Variants in NDRG3 observed in about 807,000 individuals in gnomAD.
NDRG3 encodes the protein protein NDRG3.
A neutral mutation model predicts 57.2 loss-of-function variants in NDRG3; 23 were observed. The observed-to-expected ratio is 0.40, with a 90% CI of 0.29 to 0.57. NDRG3 has a LOEUF of 0.57. NDRG3 is among the 20% of genes least tolerant of loss of function. NDRG3 has a pLI of 0.42. For synonymous variants in NDRG3, 132 were observed against 162.6 expected, an observed-to-expected ratio of 0.81 and a Z score of 1.43; for missense variants, 384 against 457.3, an observed-to-expected ratio of 0.84 and a Z score of 1.46.
At chr20:36,671,871 T>C (rs1021364457) in intron 8 of NDRG3, among the ~76,000 whole-genome samples, 3 of 149,282 alleles carry the variant, frequency 2.0e-5, no homozygotes, top group Non-Finnish European at 1.5e-5. Flanking sequence ...CAAAGAAACA[T>C]AGAGATGAGA....
intron 2 of NDRG3, among the ~76,000 whole-genome samples, chr20:36,707,211 G>A (rs1034080620): frequency 6.6e-6 from 1 of 152,218 alleles, no homozygotes; most frequent in African/African-American, 2.4e-5. Flanking sequence ...GTGAGATTAT[G>A]CTTTAGTGGG....
chr20:36,716,008 G>A (rs1390692465), intron 2 of NDRG3, among the ~76,000 whole-genome samples: 1 of 152,136 alleles, frequency 6.6e-6, no homozygotes, highest in Non-Finnish European at 1.5e-5. Context: ...GGCTGAGGCA[G>A]GAGAATCACT....
intron 8 of NDRG3, 151 bp downstream of exon 8, chr20:36,680,665 T>C: frequency 1.7e-6 from 1 of 586,612 alleles, no homozygotes; most frequent in Admixed American, 3.0e-5. Context: ...ATTCTATATC[T>C]TGATTGGATG....
chr20:36,674,172 T>C lies in NDRG3; in HGVS notation c.532-2775A>G, dbSNP rs146386191. ...TAAGCACTACATAGGTGTTACCTTT[T>C]TTAAAAATTTATTATCCATCTCTTT... On this transcript the variant is annotated intron_variant, in intron 8 of 15. Coordinates refer to ENST00000349004, the MANE Select transcript of NDRG3 (RefSeq NM_032013.4). 4.4e-3 allele frequency among the ~76,000 whole-genome samples: 665 copies of C among 152,330 alleles called. 7 individuals are homozygous for C. Among genetic ancestry groups the C allele is most frequent in the African/African-American group, 0.015 (631 of 41,576 alleles).
intron 13 of NDRG3, among the ~76,000 whole-genome samples, chr20:36,659,718 A>C (rs1395402024): frequency 6.6e-6 from 1 of 151,982 alleles, no homozygotes; most frequent in East Asian, 2.0e-4. Flanking sequence ...CTCCTGCCTC[A>C]GCCTCCCAGG....
At chr20:36,694,235 T>G (rs1423682157) in intron 3 of NDRG3, among the ~76,000 whole-genome samples, 2 of 152,096 alleles carry the variant, frequency 1.3e-5, no homozygotes, top group Non-Finnish European at 1.5e-5. Flanking sequence ...CAGGCACACT[T>G]GATGTAACTT....
chr20:36,720,106 CAA>C (rs879825496), intron 2 of NDRG3, among the ~76,000 whole-genome samples: 201 of 112,960 alleles, frequency 1.8e-3, no homozygotes, highest in Non-Finnish European at 2.6e-3. Flanking sequence ...GACTCCGTCT[CAA>C]AAAAAAAAAA....
At position 36,725,228 on chromosome 20, in the gene NDRG3, T is replaced by C. The variant is rs555767151; in HGVS notation, c.-48-3445A>G. ...AGGAGAATTGCTTGATCCTTGGAGG[T>C]GGAGGTTGCAGTAAGCTGAGATTGC... On this transcript the variant is annotated intron_variant, in intron 1 of 15. Coordinates refer to ENST00000349004, the MANE Select transcript of NDRG3 (RefSeq NM_032013.4). Among the ~76,000 whole-genome samples, 60 of 145,694 alleles carry C rather than the reference T, an allele frequency of 4.1e-4. No individual in the cohort carries two copies. The South Asian group carries it at 0.013, about 31-fold the overall frequency.
At chr20:36,700,390 A>C in intron 3 of NDRG3, 1 of 501,620 alleles carries the variant, frequency 2.0e-6, no homozygotes, top group South Asian at 1.5e-5. Context: ...TGTGAATGTA[A>C]ATATGCTTAG....
intron 2 of NDRG3, among the ~76,000 whole-genome samples, chr20:36,708,162 G>A (rs961525751): frequency 3.9e-5 from 6 of 151,942 alleles, no homozygotes; most frequent in Non-Finnish European, 7.4e-5. Flanking sequence ...TTCACAAAGT[G>A]TAACCCCCTT....
chr20:36,707,893 G>A (rs549306484), intron 2 of NDRG3, among the ~76,000 whole-genome samples: 2 of 152,214 alleles, frequency 1.3e-5, no homozygotes, highest in African/African-American at 4.8e-5. Flanking sequence ...TGGGCAGCCT[G>A]GCCAACATGG....
In NDRG3 at chr20:36,715,002, GTGTGTATATATATATATATATATATATA is replaced by G. The variant is rs1390018968; in HGVS notation, c.57+6649_57+6676del. ...TATATCTGTGTGTGTGTGTGTGTGTGTGTGTATATATATATATATATATATATATATATATATATATATATATATATAT... is the reference window on the plus strand; with the variant it reads ...TATATCTGTGTGTGTGTGTGTGTGTGTATATATATATATATATATATATAT... On this transcript the variant is annotated intron_variant, in intron 2 of 15. Coordinates refer to ENST00000349004, the MANE Select transcript of NDRG3 (RefSeq NM_032013.4). Among the ~76,000 whole-genome samples, 25 of 39,576 alleles carry G rather than the reference GTGTGTATATATATATATATATATATATA, an allele frequency of 6.3e-4. No homozygotes were observed. The Admixed American group carries it at 6.4e-3, about 10-fold the overall frequency. The allele number at this position is 39,576 out of a possible 152,430, so 26.0% of individuals were successfully genotyped here.
chr20:36,691,855 C>G (rs1292389654), intron 3 of NDRG3, among the ~76,000 whole-genome samples: 1 of 152,200 alleles, frequency 6.6e-6, no homozygotes, highest in Non-Finnish European at 1.5e-5. Context: ...CATTAAACAT[C>G]TATTTATTGA....
chr20:36,662,290 C>T (rs984535617), intron 12 of NDRG3, among the ~76,000 whole-genome samples: 6 of 150,774 alleles, frequency 4.0e-5, no homozygotes, highest in African/African-American at 9.8e-5. Flanking sequence ...TGCAGTGGCA[C>T]GATCTCAGCT....
At chr20:36,664,532 A>G (rs868374185) in intron 12 of NDRG3, among the ~76,000 whole-genome samples, 14 of 152,350 alleles carry the variant, frequency 9.2e-5, no homozygotes, top group Middle Eastern at 3.4e-3. Context: ...AGTGAACTAC[A>G]CAACACAAAG....
chr20:36,725,139 T>TA (rs1358912736), intron 1 of NDRG3, among the ~76,000 whole-genome samples: 1 of 149,036 alleles, frequency 6.7e-6, no homozygotes, highest in Non-Finnish European at 1.5e-5. Context: ...CTACTAAAAA[T>TA]AAAAAAAATT....
intron 1 of NDRG3, among the ~76,000 whole-genome samples, chr20:36,727,161 C>T (rs1013460055): frequency 9.2e-5 from 14 of 152,170 alleles, no homozygotes; most frequent in African/African-American, 3.4e-4. Flanking sequence ...AGTAATCTGC[C>T]AGCTTCAGTC....
intron 1 of NDRG3, among the ~76,000 whole-genome samples, chr20:36,737,644 G>C (rs184751574): frequency 2.6e-5 from 4 of 152,132 alleles, no homozygotes; most frequent in Non-Finnish European, 4.4e-5. Flanking sequence ...GCAAGCAGCA[G>C]AGCAAGGATT....
chr20:36,742,920 C>T (rs1985987227), intron 1 of NDRG3, among the ~76,000 whole-genome samples: 1 of 152,176 alleles, frequency 6.6e-6, no homozygotes. Context: ...TATCTGCTGC[C>T]TCCCAAAGGA....
Sources: allele counts gnomAD v4.1 joint callset (sites outside exome capture counted in the v4.1 genomes callset), GRCh38; gene constraint gnomAD v4.1.1; transcripts MANE v1.5; gene names NCBI Gene and HGNC (gene_info 2026-07-23, HGNC 2026-07-21).